The following PXN variants were observed in gnomAD, a reference collection of about 807,000 sequenced individuals.
PXN encodes testicular tissue protein Li 134.
A neutral mutation model predicts 103.6 loss-of-function variants in PXN; 61 were observed. That is an observed-to-expected ratio of 0.59 (90% CI 0.48 to 0.73). PXN has a LOEUF of 0.73. Among genes scored for constraint, PXN ranks in the 30% least tolerant of loss-of-function variants. The pLI is 0.00. For synonymous variants in PXN, 562 were observed against 607.8 expected, an observed-to-expected ratio of 0.92 and a Z score of 1.11; for missense variants, 1,274 against 1,460.3, an observed-to-expected ratio of 0.87 and a Z score of 2.08.
intron 1 of PXN, among the ~76,000 whole-genome samples, chr12:120,243,247 T>C (rs1047068562): frequency 1.3e-5 from 2 of 152,182 alleles, no homozygotes; most frequent in Non-Finnish European, 2.9e-5. Context: ...AACGAGAGGA[T>C]AAAAAGGATC....
chr12:120,237,255 G>A (rs1224505679), intron 1 of PXN, among the ~76,000 whole-genome samples: 2 of 151,058 alleles, frequency 1.3e-5, no homozygotes, highest in Non-Finnish European at 3.0e-5. Context: ...GCCTCTTGGG[G>A]TCAAGCAATT....
chr12:120,237,874 C>T (rs1010172589), intron 1 of PXN, among the ~76,000 whole-genome samples: 7 of 152,152 alleles, frequency 4.6e-5, no homozygotes, highest in East Asian at 1.9e-4. Context: ...CTCCAAGTCT[C>T]GTCTCAGTCC....
chr12:120,258,192 C>CAAAAAAAA (rs35240186), intron 1 of PXN, among the ~76,000 whole-genome samples: 1 of 118,426 alleles, frequency 8.4e-6, no homozygotes. Context: ...GACTCCGTCT[C>CAAAAAAAA]AAAAAAAAAA....
Position 120,219,616 on chromosome 12 carries a change from T to C in PXN, c.1307A>G (p.Glu436Gly), listed in dbSNP as rs758227542. 7.0e-6 allele frequency: 11 copies of C among 1,567,664 alleles called. No homozygotes were observed. The African/African-American group carries it at 1.5e-4, about 21-fold the overall frequency. The change falls in exon 7 of 15, where the codon GAG becomes GGG. Residue 436 changes from glutamate (E) to glycine (G), a missense_variant. This residue lies in a region of PXN where 1,178 missense variants were observed against 1,309.0 expected (regional missense o/e 0.90). Coordinates refer to ENST00000637617, the MANE Select transcript of PXN (RefSeq NM_001385981.1). This position sits in a 1 kb window ranked among gnomAD's most constrained non-coding sequence, Gnocchi z 6.5. The part of the protein sequence containing the change: ...CPEEALAATW[E>G]QPWASEVFGP... ...GAATACCTCCGAAGCCCATGGCTGC[T>C]CCCATGTGGCAGCCAAGGCCTCCTC... is the stretch of plus-strand genomic sequence containing the variant.
chr12:120,246,107 C>A (rs1246985737), intron 1 of PXN, among the ~76,000 whole-genome samples: 1 of 152,100 alleles, frequency 6.6e-6, no homozygotes, highest in African/African-American at 2.4e-5. Flanking sequence ...AGGCAAGAGG[C>A]CAGACACAAT....
rs780361745 is a variant in PXN at position 120,215,806 on chromosome 12, A to G, written c.2302-145T>C. The G allele has an allele frequency of 1.8e-5, 23 of 1,287,610 alleles. No homozygotes were observed. Among genetic ancestry groups the G allele is most frequent in the Non-Finnish European group, 2.3e-5 (22 of 976,416 alleles). 79.8% of individuals were successfully genotyped at this position (1,287,610 alleles called of 1,614,324 possible). ...GGCAGGACCAAAATTGGGGGAAAAA[A>G]TCTGGAGAAAAAGAGCCCTGAGAGA... On this transcript the variant is annotated intron_variant, in intron 9 of 14. Transcript: ENST00000637617. This position sits in a 1 kb window ranked among gnomAD's most constrained non-coding sequence, Gnocchi z 4.9.
chr12:120,264,717 T>C (rs1894411873), intron 1 of PXN, among the ~76,000 whole-genome samples: 1 of 152,200 alleles, frequency 6.6e-6, no homozygotes, highest in South Asian at 2.1e-4. Flanking sequence ...GAGGGGACTC[T>C]GCTAGCCAGG....
chr12:120,246,258 G>A (rs1891095741), intron 1 of PXN, among the ~76,000 whole-genome samples: 1 of 151,404 alleles, frequency 6.6e-6, no homozygotes, highest in Non-Finnish European at 1.5e-5. Context: ...TGGGCACAGT[G>A]GCTCATGCCT....
At position 120,225,631 on chromosome 12, in the gene PXN, T is replaced by C. The variant is rs964894809; in HGVS notation, c.14-1254A>G. Among the ~76,000 whole-genome samples, 1 of 152,158 alleles carries C rather than the reference T, an allele frequency of 6.6e-6. No individual in the cohort carries two copies. The highest frequency in any genetic ancestry group is 1.5e-5 in the Non-Finnish European group (1 of 68,024). ...GTGAGTGGCACAATTGTCTGACTCC[T>C]CAGAAGCCCCAAACCCCAAAAACCT... On this transcript the variant is annotated intron_variant, in intron 1 of 14. Coordinates refer to ENST00000637617, the MANE Select transcript of PXN (RefSeq NM_001385981.1). This position sits in a 1 kb window ranked among gnomAD's most constrained non-coding sequence, Gnocchi z 4.4.
intron 1 of PXN, among the ~76,000 whole-genome samples, chr12:120,236,332 G>C (rs1044529674): frequency 6.6e-6 from 1 of 152,086 alleles, no homozygotes; most frequent in Non-Finnish European, 1.5e-5. Flanking sequence ...CTTTTTTTGA[G>C]ACAGGGTCTT....
In PXN at chr12:120,228,353, T is replaced by C. The variant is rs1318569141; in HGVS notation, c.14-3976A>G. Among the ~76,000 whole-genome samples, 1 of 152,212 alleles carries C rather than the reference T, an allele frequency of 6.6e-6. No individual in the cohort carries two copies. Among genetic ancestry groups the C allele is most frequent in the Non-Finnish European group, 1.5e-5 (1 of 68,026 alleles). ...GAATTCTGCAGGTTTTCTGTCTCTC[T>C]GGGCCAGCGGAAGTATGCAACATGA... On this transcript the variant is annotated intron_variant, in intron 1 of 14. Transcript: ENST00000637617. The surrounding 1 kb of genome is among the most constrained non-coding windows in gnomAD (Gnocchi z 4.7).
At position 120,222,611 on chromosome 12, in the gene PXN, C is replaced by T. The variant is rs1566384493; in HGVS notation, c.633G>A (p.Glu211=). 1 of 1,609,684 alleles carries T rather than the reference C, an allele frequency of 6.2e-7. No homozygotes were observed. The highest frequency in any genetic ancestry group is 8.5e-7 in the Non-Finnish European group (1 of 1,178,322). ...GACTCTCCACACTGGGCCGCACGTC[C>T]TCCAGGCCCCGGCCCCCATTCCGCT... ...KPKRNGGRGL[E]DVRPSVESLL... is the part of the protein sequence containing the mutation. The change falls in exon 5 of 15, where the codon GAG becomes GAA. Residue 211 remains glutamate, a synonymous_variant. Transcript: ENST00000637617. The surrounding 1 kb of genome is among the most constrained non-coding windows in gnomAD (Gnocchi z 4.7).
At position 120,224,122 on chromosome 12, in the gene PXN, G is replaced by A. The variant is rs1176616440; in HGVS notation, c.240+29C>T. ...GTTCCCTCTGTCCCCCAGCCTCCTT[G>A]GCCTTCCCAGCCACTGTCCCCGCCT... On this transcript the variant is annotated intron_variant, in intron 2 of 14. Coordinates refer to ENST00000637617, the MANE Select transcript of PXN (RefSeq NM_001385981.1). The surrounding 1 kb of genome is among the most constrained non-coding windows in gnomAD (Gnocchi z 5.0). The A allele has an allele frequency of 6.7e-7, 1 of 1,490,082 alleles. No individual in the cohort carries two copies. Among genetic ancestry groups the A allele is most frequent in the South Asian group, 1.3e-5 (1 of 77,598 alleles). The allele number at this position is 1,490,082 out of a possible 1,614,324, so 92.3% of individuals were successfully genotyped here.
Position 120,222,907 on chromosome 12 carries a change from A to T in PXN, c.449T>A (p.Leu150Gln). Residue 150 changes from leucine (L) to glutamine (Q), a missense_variant, in exon 4 of 15, where the codon CTG becomes CAG. Leu to Gln is a moderately radical substitution (Grantham distance 113). Around this residue, in one of 2 missense-constraint regions of PXN, gnomAD observed 1,178 missense variants for 1,309.0 expected, o/e 0.90. Transcript: ENST00000637617. This position sits in a 1 kb window ranked among gnomAD's most constrained non-coding sequence, Gnocchi z 4.7. Reference protein sequence around the residue: ...SNLSELDRLLLELNAVQHNPP... With the variant: ...SNLSELDRLLQELNAVQHNPP... Reference sequence around the variant, plus strand: ...GTTATGCTGTACAGCGTTCAGTTCCAGCAGCAGGCGGTCGAGTTCAGAAAG... The same window carrying T: ...GTTATGCTGTACAGCGTTCAGTTCCTGCAGCAGGCGGTCGAGTTCAGAAAG... 1 of 1,613,938 alleles carries T rather than the reference A, an allele frequency of 6.2e-7. No homozygotes were observed. The highest frequency in any genetic ancestry group is 8.5e-7 in the Non-Finnish European group (1 of 1,179,886).
At chr12:120,231,436 C>G (rs1342360922) in intron 1 of PXN, among the ~76,000 whole-genome samples, 2 of 152,226 alleles carry the variant, frequency 1.3e-5, no homozygotes. Flanking sequence ...TTCTCCTCCG[C>G]TGACTCATGC....
At chr12:120,255,100 C>T (rs1032231448) in intron 1 of PXN, among the ~76,000 whole-genome samples, 1 of 152,040 alleles carries the variant, frequency 6.6e-6, no homozygotes, top group African/African-American at 2.4e-5. Flanking sequence ...ATAGAATTCA[C>T]GTCAGGGGTG....
intron 1 of PXN, among the ~76,000 whole-genome samples, chr12:120,263,922 A>C (rs1452220375): frequency 3.9e-5 from 6 of 152,106 alleles, no homozygotes; most frequent in Non-Finnish European, 7.4e-5. Context: ...GCACTTTAGA[A>C]ACTGTAACTT....
Position 120,215,601 on chromosome 12 carries a change from C to T in PXN, c.2362G>A (p.Asp788Asn). The change falls in exon 10 of 15, where the codon GAC becomes AAC. Residue 788 changes from aspartate to asparagine, a missense_variant. Coordinates refer to ENST00000637617, the MANE Select transcript of PXN (RefSeq NM_001385981.1). The surrounding 1 kb of genome is among the most constrained non-coding windows in gnomAD (Gnocchi z 4.9). ...ERCWAAGWPR[D>N]GGRSSPGGQD... is the part of the protein sequence containing the mutation. ...CCTCCGGGGCTGCTCCGCCCGCCGTCCCGAGGCCAGCCGGCCGCCCAGCAC... is the reference window on the plus strand; with the variant it reads ...CCTCCGGGGCTGCTCCGCCCGCCGTTCCGAGGCCAGCCGGCCGCCCAGCAC... 1 of 1,610,628 alleles carries T rather than the reference C, an allele frequency of 6.2e-7. No homozygotes were observed. Among genetic ancestry groups the T allele is most frequent in the South Asian group, 1.1e-5 (1 of 90,950 alleles).
At chr12:120,226,670 T>C (rs950281133) in intron 1 of PXN, 3 of 1,156,824 alleles carry the variant, frequency 2.6e-6, no homozygotes, top group Middle Eastern at 3.9e-4. Flanking sequence ...TGGTGAAGTA[T>C]TGGTGAGAGG....
Sources: allele counts gnomAD v4.1 joint callset (sites outside exome capture counted in the v4.1 genomes callset), GRCh38; gene constraint gnomAD v4.1.1; regional missense constraint gnomAD v4.1.1; non-coding constraint Gnocchi (gnomAD v3.1); transcripts MANE v1.5; gene names NCBI Gene and HGNC (gene_info 2026-07-23, HGNC 2026-07-21).